The following EBF1 variants were observed in gnomAD, a reference collection of about 807,000 sequenced individuals.
EBF1 encodes transcription factor COE1.
Under a neutral mutation model 68.4 loss-of-function variants are expected in EBF1, and 10 were observed. The observed-to-expected ratio is 0.15, with a 90% CI of 0.09 to 0.25. The LOEUF (loss-of-function observed/expected upper bound fraction) is 0.25. EBF1 is among the 10% of genes least tolerant of loss of function. The pLI is 1.00. For missense variants in EBF1, 509 were observed against 794.4 expected, an observed-to-expected ratio of 0.64 and a Z score of 4.32; for synonymous variants, 298 against 299.8, an observed-to-expected ratio of 0.99 and a Z score of 0.06.
intron 7 of EBF1, among the ~76,000 whole-genome samples, chr5:158,837,786 A>G (rs1027062110): frequency 7.2e-5 from 11 of 152,284 alleles, no homozygotes; most frequent in African/African-American, 2.6e-4. Context: ...ATCAAAGTCC[A>G]TCCCAAACTC....
intron 6 of EBF1, among the ~76,000 whole-genome samples, chr5:158,885,352 TAA>T (rs1799832783): frequency 6.6e-6 from 1 of 151,846 alleles, no homozygotes; most frequent in Non-Finnish European, 1.5e-5. Flanking sequence ...GAGTGGAAAA[TAA>T]AGAGGACACG....
intron 10 of EBF1, among the ~76,000 whole-genome samples, chr5:158,737,039 A>C (rs950361337): frequency 2.0e-5 from 3 of 152,038 alleles, no homozygotes; most frequent in African/African-American, 7.2e-5. Context: ...CCCAACACCA[A>C]ATTCCTTGCA....
At chr5:158,814,365 A>C (rs1783299894) in intron 8 of EBF1, among the ~76,000 whole-genome samples, 2 of 152,198 alleles carry the variant, frequency 1.3e-5, no homozygotes, top group Non-Finnish European at 2.9e-5. Context: ...AAGTTTTTAC[A>C]TAAAGTCCTG....
intron 6 of EBF1, among the ~76,000 whole-genome samples, chr5:159,051,296 G>T (rs1438087370): frequency 6.6e-6 from 1 of 151,826 alleles, no homozygotes; most frequent in Non-Finnish European, 1.5e-5. Context: ...TCCTTTTCCT[G>T]GTTCCCCTTG....
chr5:158,900,144 T>C (rs1360553350), intron 6 of EBF1, among the ~76,000 whole-genome samples: 3 of 152,224 alleles, frequency 2.0e-5, no homozygotes, highest in Non-Finnish European at 4.4e-5. Context: ...CGTGAAGACA[T>C]TTTGAACCAG....
chr5:158,914,938 C>T (rs1399550795), intron 6 of EBF1, among the ~76,000 whole-genome samples: 1 of 152,176 alleles, frequency 6.6e-6, no homozygotes, highest in African/African-American at 2.4e-5. Context: ...TTACTGAATG[C>T]CGTCTGTTCT....
intron 6 of EBF1, among the ~76,000 whole-genome samples, chr5:158,841,978 C>A (rs1053409037): frequency 6.6e-6 from 1 of 152,164 alleles, no homozygotes; most frequent in Non-Finnish European, 1.5e-5. Flanking sequence ...CCACAGAAGC[C>A]AAAGTTGATC....
At chr5:159,039,274 T>G (rs1770719380) in intron 6 of EBF1, among the ~76,000 whole-genome samples, 1 of 152,188 alleles carries the variant, frequency 6.6e-6, no homozygotes, top group South Asian at 2.1e-4. Context: ...AAACCATAAA[T>G]TATTATTCCC....
intron 6 of EBF1, among the ~76,000 whole-genome samples, chr5:159,067,188 T>C (rs148341115): frequency 1.1e-3 from 162 of 152,262 alleles, no homozygotes; most frequent in African/African-American, 3.6e-3. Flanking sequence ...TTTAGGAAAG[T>C]AAAAGCATGT....
At chr5:158,985,409 T>C (rs1444331113) in intron 6 of EBF1, among the ~76,000 whole-genome samples, 1 of 152,226 alleles carries the variant, frequency 6.6e-6, no homozygotes, top group Admixed American at 6.5e-5. Flanking sequence ...TGTTGGTCTC[T>C]ACCCCATACC....
At chr5:158,746,052 T>C (rs1005391184) in intron 10 of EBF1, among the ~76,000 whole-genome samples, 18 of 152,212 alleles carry the variant, frequency 1.2e-4, no homozygotes, top group African/African-American at 4.1e-4. Flanking sequence ...TAAGTTTTTA[T>C]TACTACTGCT....
intron 10 of EBF1, among the ~76,000 whole-genome samples, chr5:158,752,786 A>G (rs1463806036): frequency 6.6e-6 from 1 of 152,074 alleles, no homozygotes; most frequent in African/African-American, 2.4e-5. Context: ...TAAAATCTTG[A>G]TAAGTTATCC....
intron 6 of EBF1, among the ~76,000 whole-genome samples, chr5:158,850,818 C>T (rs1792495521): frequency 6.6e-6 from 1 of 152,014 alleles, no homozygotes; most frequent in Admixed American, 6.5e-5. Flanking sequence ...ACCAGCCTGA[C>T]CAACATGGTG....
chr5:158,872,904 C>T (rs1797127029), intron 6 of EBF1, among the ~76,000 whole-genome samples: 1 of 151,768 alleles, frequency 6.6e-6, no homozygotes, highest in Non-Finnish European at 1.5e-5. Context: ...TCTCCCAGAG[C>T]ACATTCCCTT....
chr5:158,915,104 C>T (rs1192087495), intron 6 of EBF1, among the ~76,000 whole-genome samples: 4 of 152,058 alleles, frequency 2.6e-5, no homozygotes, highest in Admixed American at 1.3e-4. Context: ...GAAAATGGGG[C>T]GGGCCAGGCA....
At chr5:159,007,627 A>G (rs1423259696) in intron 6 of EBF1, among the ~76,000 whole-genome samples, 4 of 152,214 alleles carry the variant, frequency 2.6e-5, no homozygotes, top group Non-Finnish European at 5.9e-5. Context: ...TTTAAAAAAT[A>G]TATTCCTCCA....
At chr5:159,038,102 G>A (rs1312923749) in intron 6 of EBF1, among the ~76,000 whole-genome samples, 1 of 152,146 alleles carries the variant, frequency 6.6e-6, no homozygotes, top group East Asian at 1.9e-4. Flanking sequence ...ATCTTTCCTT[G>A]TCCTTTGCAA....
intron 6 of EBF1, among the ~76,000 whole-genome samples, chr5:159,004,585 C>T (rs1403117797): frequency 6.6e-6 from 1 of 152,110 alleles, no homozygotes; most frequent in Non-Finnish European, 1.5e-5. Context: ...CAAAGTCTTT[C>T]AGAGTCACTG....
intron 6 of EBF1, among the ~76,000 whole-genome samples, chr5:158,854,713 G>A (rs149500320): frequency 6.6e-6 from 1 of 152,198 alleles, no homozygotes; most frequent in African/African-American, 2.4e-5. Flanking sequence ...TCAAAAGTCA[G>A]CAATTTGGAA....
Sources: gnomAD v4.1 joint callset for allele counts (sites outside exome capture counted in the v4.1 genomes callset) on GRCh38, gnomAD v4.1.1 for gene constraint, MANE v1.5 for transcripts, NCBI Gene and HGNC (gene_info 2026-07-23, HGNC 2026-07-21) for gene names.